SIL1: variants seen among roughly 807,000 people sequenced by gnomAD.
SIL1 encodes SIL1 nucleotide exchange factor.
Under a neutral mutation model 49.1 loss-of-function variants are expected in SIL1, and 40 were observed. The ratio of observed to expected loss-of-function variants is 0.81; its 90% confidence interval spans 0.63 to 1.06. The LOEUF (loss-of-function observed/expected upper bound fraction) is 1.06. Among genes scored for constraint, SIL1 ranks in the 50% least tolerant of loss-of-function variants. The probability of loss-of-function intolerance (pLI) is 0.00; values close to 1 mark genes in which losing one functional copy is unlikely to be tolerated. For missense variants in SIL1, 500 were observed against 572.6 expected (o/e 0.87, Z 1.29); for synonymous variants, 253 against 250.8 (o/e 1.01, Z -0.08).
intron 5 of SIL1, among the ~76,000 whole-genome samples, chr5:139,037,203 G>A (rs1192306647): frequency 3.3e-5 from 5 of 151,754 alleles, no homozygotes; most frequent in South Asian, 4.2e-4. Flanking sequence ...ATTCAATATC[G>A]CTCAATCATT....
intron 1 of SIL1, among the ~76,000 whole-genome samples, chr5:139,177,214 G>A (rs1379089076): frequency 2.0e-5 from 3 of 151,588 alleles, no homozygotes; most frequent in Non-Finnish European, 4.4e-5. Flanking sequence ...TTATAGGCGT[G>A]AGCCACCACG....
intron 1 of SIL1, among the ~76,000 whole-genome samples, chr5:139,182,611 G>A (rs1174769005): frequency 6.6e-6 from 1 of 152,236 alleles, no homozygotes; most frequent in Non-Finnish European, 1.5e-5. Context: ...AGTACCTGGT[G>A]CCTTAATAGA....
chr5:138,952,037 A>G (rs1220992098), intron 7 of SIL1, among the ~76,000 whole-genome samples, 153 bp from the exon 8 acceptor site: 1 of 152,110 alleles, frequency 6.6e-6, no homozygotes, highest in Non-Finnish European at 1.5e-5. Flanking sequence ...GGAAACAAAG[A>G]CCATCTGGCA....
intron 1 of SIL1, among the ~76,000 whole-genome samples, chr5:139,165,973 A>C (rs1439078595): frequency 2.0e-5 from 3 of 151,982 alleles, no homozygotes; most frequent in African/African-American, 4.8e-5. Context: ...TGTATTTCTT[A>C]AATGTATTTG....
chr5:138,977,885 G>A lies in SIL1; in HGVS notation c.768-26001C>T, dbSNP rs549623446. On this transcript the variant is annotated intron_variant, in intron 7 of 9. Transcript: ENST00000394817. ...GTCCCTACCTCAGGACCCTTGCAAC[G>A]GCTATTCCTGCTGCCTGGAAAACCC... Among the ~76,000 whole-genome samples the A allele has an allele frequency of 9.2e-5, 14 of 152,188 alleles. No individual in the cohort carries two copies. The South Asian group carries it at 2.3e-3, about 25-fold the overall frequency.
chr5:139,172,107 G>C (rs994544097), intron 1 of SIL1, among the ~76,000 whole-genome samples: 2 of 152,134 alleles, frequency 1.3e-5, no homozygotes, highest in Non-Finnish European at 2.9e-5. Context: ...GAGACTAAGG[G>C]ACCTAGGGGA....
intron 7 of SIL1, among the ~76,000 whole-genome samples, chr5:138,990,980 TGTTGGGATTACAGGCGTTA>T (rs1436813169): frequency 6.6e-6 from 1 of 152,242 alleles, no homozygotes; most frequent in Non-Finnish European, 1.5e-5. Flanking sequence ...CTTCCTAAAG[TGTTGGGATTACAGGCGTTA>T]GCCACCATGC....
intron 7 of SIL1, among the ~76,000 whole-genome samples, chr5:138,996,006 G>A (rs548342851): frequency 2.0e-5 from 3 of 152,344 alleles, no homozygotes; most frequent in South Asian, 2.1e-4. Flanking sequence ...ACATGAATAT[G>A]TGGTGATTTC....
At chr5:138,992,905 A>T (rs1247754254) in intron 7 of SIL1, among the ~76,000 whole-genome samples, 1 of 152,070 alleles carries the variant, frequency 6.6e-6, no homozygotes, top group East Asian at 1.9e-4. Flanking sequence ...AAAAAATATA[A>T]ATAAATAATC....
chr5:139,086,189 C>T (rs1190538771), intron 3 of SIL1, among the ~76,000 whole-genome samples: 4 of 150,010 alleles, frequency 2.7e-5, no homozygotes, highest in Non-Finnish European at 4.4e-5. Flanking sequence ...AGGAGGATCC[C>T]TTGAATCTGG....
chr5:139,114,720 CA>C (rs755827413), intron 3 of SIL1, among the ~76,000 whole-genome samples: 3 of 152,234 alleles, frequency 2.0e-5, no homozygotes, highest in East Asian at 1.9e-4. Context: ...GAAGTAGCAC[CA>C]AAAGTAAGCT....
intron 7 of SIL1, among the ~76,000 whole-genome samples, chr5:138,983,407 C>G (rs1406544209): frequency 6.6e-6 from 1 of 151,128 alleles, no homozygotes; most frequent in Non-Finnish European, 1.5e-5. Flanking sequence ...ACTCGGGAGG[C>G]TGAGGCAGGA....
intron 5 of SIL1, chr5:139,035,060 A>G (rs1044832672): frequency 1.0e-5 from 2 of 192,968 alleles, no homozygotes; most frequent in African/African-American, 4.7e-5. Flanking sequence ...GCCCACATGT[A>G]TGTCTTCTTT....
chr5:139,040,261 G>A (rs1325014933), intron 5 of SIL1, among the ~76,000 whole-genome samples: 1 of 152,150 alleles, frequency 6.6e-6, no homozygotes, highest in South Asian at 2.1e-4. Context: ...CATTGGCAGT[G>A]AGCTGAGTCA....
intron 7 of SIL1, among the ~76,000 whole-genome samples, chr5:139,010,086 A>T (rs1768219013): frequency 6.9e-6 from 1 of 144,010 alleles, no homozygotes; most frequent in African/African-American, 2.6e-5. Flanking sequence ...TCTCCCCATC[A>T]CTTTCAGGTA....
At chr5:138,961,175 T>C (rs1369827250) in intron 7 of SIL1, among the ~76,000 whole-genome samples, 1 of 152,236 alleles carries the variant, frequency 6.6e-6, no homozygotes, top group Non-Finnish European at 1.5e-5. Flanking sequence ...TGCTCTGTTA[T>C]TTTGAAAACC....
intron 3 of SIL1, among the ~76,000 whole-genome samples, chr5:139,086,647 G>A (rs975554365): frequency 4.0e-5 from 6 of 149,042 alleles, no homozygotes; most frequent in African/African-American, 7.3e-5. Flanking sequence ...ATAAGCCACC[G>A]CGCCTGGCCA....
intron 7 of SIL1, among the ~76,000 whole-genome samples, chr5:139,017,627 T>C (rs139868021): frequency 5.8e-4 from 88 of 152,218 alleles, no homozygotes; most frequent in Middle Eastern, 3.4e-3. Context: ...GGGGCAGGCA[T>C]ACTAGTTACT....
chr5:139,047,277 C>T lies in SIL1; in HGVS notation c.353+3661G>A, dbSNP rs567281568. Among the ~76,000 whole-genome samples, 24 of 152,280 alleles carry T rather than the reference C, an allele frequency of 1.6e-4. No individual in the cohort carries two copies. In the South Asian group the frequency reaches 4.8e-3, roughly 30 times the overall value. On this transcript the variant is annotated intron_variant, in intron 4 of 9. Transcript: ENST00000394817. ...CCACTAGAGATGGCAAAGCCTAAAG[C>T]ATAAATAGCAAGTGGAAACCTGTTG...
Sources: allele counts gnomAD v4.1 joint callset (sites outside exome capture counted in the v4.1 genomes callset), GRCh38; gene constraint gnomAD v4.1.1; transcripts MANE v1.5; gene names NCBI Gene and HGNC (gene_info 2026-07-23, HGNC 2026-07-21).